COL4A5: variants seen among roughly 807,000 people sequenced by gnomAD.
The protein encoded by COL4A5 is collagen alpha-5(IV) chain.
A neutral mutation model predicts 130.2 loss-of-function variants in COL4A5; 26 were observed. The ratio of observed to expected loss-of-function variants is 0.20; its 90% CI spans 0.15 to 0.28. The LOEUF (loss-of-function observed/expected upper bound fraction) is 0.28, where lower values mean the gene tolerates loss of function less well. Ranked by LOEUF, COL4A5 falls within the 10% of genes least tolerant of loss-of-function variation. The probability of loss-of-function intolerance (pLI) is 1.00; values close to 1 mark genes in which losing one functional copy is unlikely to be tolerated. For missense variants in COL4A5, 1,131 were observed against 1,344.3 expected (o/e 0.84, Z 2.48); for synonymous variants, 496 against 439.6 (o/e 1.13, Z -1.60).
intron 1 of COL4A5, among the ~76,000 whole-genome samples, chrX:108,482,396 C>G (rs1387832209): frequency 9.0e-6 from 1 of 111,163 alleles, no homozygotes; most frequent in African/African-American, 3.3e-5. Flanking sequence ...TCAGGGGAGG[C>G]CATCACTGTT....
At chrX:108,579,717 T>G (rs1289461196) in intron 13 of COL4A5, among the ~76,000 whole-genome samples, 1 of 112,271 alleles carries the variant, frequency 8.9e-6, no homozygotes, top group African/African-American at 3.2e-5. Context: ...AATAAGAAAG[T>G]TAAGAATAAA....
At chrX:108,532,359 C>T (rs2065396548) in intron 1 of COL4A5, among the ~76,000 whole-genome samples, 1 of 111,474 alleles carries the variant, frequency 9.0e-6, no homozygotes, top group East Asian at 2.8e-4. Context: ...GCAGAAAAGG[C>T]ATTTGATAAA....
chrX:108,469,204 C>G (rs1287035882), intron 1 of COL4A5, among the ~76,000 whole-genome samples: 1 of 92,879 alleles, frequency 1.1e-5, no homozygotes, highest in Non-Finnish European at 2.1e-5. Flanking sequence ...GGATCTTGCT[C>G]TGTCACCTAG....
chrX:108,506,817 C>A (rs1003565328), intron 1 of COL4A5, among the ~76,000 whole-genome samples: 1 of 110,741 alleles, frequency 9.0e-6, no homozygotes, highest in African/African-American at 3.3e-5. Flanking sequence ...GCAGTCATGG[C>A]TGACTGCAGC....
chrX:108,487,542 C>T (rs1400877254), intron 1 of COL4A5, among the ~76,000 whole-genome samples: 3 of 110,621 alleles, frequency 2.7e-5, no homozygotes, highest in Non-Finnish European at 3.8e-5. Flanking sequence ...TTTCCCTGAT[C>T]ATTAGTGATG....
chrX:108,492,479 C>A (rs1037056337), intron 1 of COL4A5, among the ~76,000 whole-genome samples: 2 of 111,779 alleles, frequency 1.8e-5, no homozygotes, highest in Non-Finnish European at 3.8e-5. Flanking sequence ...TTCAAAATGT[C>A]CTATCTTCAT....
At chrX:108,454,818 G>C (rs1036063473) in intron 1 of COL4A5, among the ~76,000 whole-genome samples, 2 of 110,198 alleles carry the variant, frequency 1.8e-5, no homozygotes, top group African/African-American at 6.6e-5. Context: ...GTCTCCTGCT[G>C]CCTAGGCTGG....
intron 18 of COL4A5, 62 bp downstream of exon 18, chrX:108,584,587 C>T: frequency 2.1e-6 from 2 of 957,446 alleles, no homozygotes; most frequent in African/African-American, 4.0e-5. Flanking sequence ...ATTTTTGTGC[C>T]TTAATCGCAT....
chrX:108,580,615 T>G, intron 14 of COL4A5, 29 bp downstream of exon 14: 1 of 1,196,877 alleles, frequency 8.4e-7, no homozygotes, highest in Non-Finnish European at 1.1e-6. Flanking sequence ...TTAGCATCAT[T>G]TAATGTAAAT....
chrX:108,481,131 CATTA>C (rs2064885761), intron 1 of COL4A5, among the ~76,000 whole-genome samples: 1 of 111,078 alleles, frequency 9.0e-6, no homozygotes, highest in Admixed American at 9.6e-5. Flanking sequence ...GCTAAAACTC[CATTA>C]ATTACCTGAC....
chrX:108,482,167 A>G (rs1310578556), intron 1 of COL4A5, among the ~76,000 whole-genome samples: 2 of 111,559 alleles, frequency 1.8e-5, no homozygotes, highest in Non-Finnish European at 3.8e-5. Flanking sequence ...CATACCCTTA[A>G]TATCCATTCT....
intron 34 of COL4A5, among the ~76,000 whole-genome samples, chrX:108,625,229 C>G (rs2067130731): frequency 8.9e-6 from 1 of 112,359 alleles, no homozygotes; most frequent in Non-Finnish European, 1.9e-5. Context: ...TATCTGTCCA[C>G]CACCTCTAAT....
intron 1 of COL4A5, among the ~76,000 whole-genome samples, chrX:108,504,987 C>T (rs2065111477): frequency 9.0e-6 from 1 of 111,648 alleles, no homozygotes; most frequent in African/African-American, 3.3e-5. Context: ...AACCTAAGTG[C>T]CCATCAACCA....
intron 37 of COL4A5, among the ~76,000 whole-genome samples, chrX:108,656,474 C>T (rs551543284): frequency 8.9e-6 from 1 of 112,157 alleles, no homozygotes; most frequent in East Asian, 2.8e-4. Flanking sequence ...CATTCTTTTA[C>T]ATATCTTTTG....
chrX:108,455,604 G>A (rs1224002857), intron 1 of COL4A5, among the ~76,000 whole-genome samples: 1 of 112,229 alleles, frequency 8.9e-6, no homozygotes, highest in Non-Finnish European at 1.9e-5. Context: ...TTTGTGTCTT[G>A]TCTGAATAAG....
chrX:108,445,280 C>T, intron 1 of COL4A5, among the ~76,000 whole-genome samples: 1 of 111,390 alleles, frequency 9.0e-6, no homozygotes, highest in Admixed American at 9.6e-5. Context: ...TCCTACAATC[C>T]CGTGAGCACT....
At chrX:108,531,366 GAAATAAATAAATAAAAAATAAAAT>G (rs1210711207) in intron 1 of COL4A5, among the ~76,000 whole-genome samples, 4 of 10,409 alleles carry the variant, frequency 3.8e-4, no homozygotes, top group Admixed American at 1.9e-3. Flanking sequence ...TAATAATAAT[GAAATAAATAAATAAAAAATAAAAT>G]AAATAAATAA....
chrX:108,520,111 G>A (rs1603262834), intron 1 of COL4A5, among the ~76,000 whole-genome samples: 1 of 110,648 alleles, frequency 9.0e-6, no homozygotes, highest in South Asian at 3.8e-4. Flanking sequence ...GGTAAGATTG[G>A]CCTGTAATTT....
intron 1 of COL4A5, among the ~76,000 whole-genome samples, chrX:108,507,250 AAAAAAAAAAAAG>A (rs2065134054): frequency 9.5e-6 from 1 of 105,657 alleles, no homozygotes; most frequent in African/African-American, 3.5e-5. Context: ...ACAACAACAA[AAAAAAAAAAAAG>A]AAAAAAAAAA....
Sources: gnomAD v4.1 joint callset for allele counts (sites outside exome capture counted in the v4.1 genomes callset) on GRCh38, gnomAD v4.1.1 for gene constraint, MANE v1.5 for transcripts, NCBI Gene and HGNC (gene_info 2026-07-23, HGNC 2026-07-21) for gene names.